Variants in KIAA0586 observed in about 807,000 individuals in gnomAD.
KIAA0586 encodes protein TALPID3.
KIAA0586 carries 144 observed loss-of-function variants against 169.8 expected under a neutral mutation model. The observed-to-expected ratio is 0.85, with a 90% confidence interval of 0.74 to 0.97. KIAA0586 has a LOEUF of 0.97. Among genes scored for constraint, KIAA0586 ranks in the 50% least tolerant of loss-of-function variants. The pLI is 0.00. For synonymous variants in KIAA0586, 625 were observed against 612.4 expected (o/e 1.02, Z -0.30); for missense variants, 1,854 against 1,823.0 (o/e 1.02, Z -0.31).
intron 19 of KIAA0586, among the ~76,000 whole-genome samples, chr14:58,475,688 A>G (rs2041561846): frequency 6.6e-6 from 1 of 152,240 alleles, no homozygotes; most frequent in Non-Finnish European, 1.5e-5. Flanking sequence ...ATATTAATAT[A>G]GTCATGAAAA....
chr14:58,475,359 T>C (rs1176574058), intron 19 of KIAA0586, among the ~76,000 whole-genome samples: 4 of 152,076 alleles, frequency 2.6e-5, no homozygotes, highest in Non-Finnish European at 5.9e-5. Flanking sequence ...TGAAACAGTT[T>C]CCTCCCGAAT....
chr14:58,498,051 G>A (rs944652052), intron 26 of KIAA0586, among the ~76,000 whole-genome samples: 2 of 151,026 alleles, frequency 1.3e-5, no homozygotes, highest in Non-Finnish European at 1.5e-5. Flanking sequence ...CTAATTTTTT[G>A]TATTTTTAGT....
the KIAA0586 span, among the ~76,000 whole-genome samples, chr14:58,560,847 C>A: frequency 1.3e-5 from 2 of 152,142 alleles, no homozygotes; most frequent in African/African-American, 4.8e-5. Flanking sequence ...TAATCTGGTT[C>A]TTGGCATTAA....
intron 29 of KIAA0586, among the ~76,000 whole-genome samples, chr14:58,516,644 G>T (rs1337552110): frequency 6.6e-6 from 1 of 152,184 alleles, no homozygotes; most frequent in Non-Finnish European, 1.5e-5. Flanking sequence ...AAGTTGACAA[G>T]CTGAAGCTAA....
At chr14:58,482,102 G>A (rs1232963158) in intron 20 of KIAA0586, among the ~76,000 whole-genome samples, 6 of 150,452 alleles carry the variant, frequency 4.0e-5, no homozygotes, top group South Asian at 2.2e-4. Context: ...GTGAGCCACC[G>A]TGCCCGGCCG....
downstream of KIAA0586, among the ~76,000 whole-genome samples, chr14:58,552,218 G>A (rs2047216798): frequency 6.6e-6 from 1 of 152,168 alleles, no homozygotes; most frequent in African/African-American, 2.4e-5. Context: ...TGAGAAATCT[G>A]ATCATTATTG....
Position 58,540,916 on chromosome 14 carries a change from G to A in KIAA0586, c.4495+780G>A, listed in dbSNP as rs190906960. Reference sequence around the variant, plus strand: ...GGGGCTATGATGTTGCAAATCTGTAGGACTGGGTTAAGTATGTGAGGAGAA... The same window carrying A: ...GGGGCTATGATGTTGCAAATCTGTAAGACTGGGTTAAGTATGTGAGGAGAA... On this transcript the variant is annotated intron_variant, in intron 30 of 30. Coordinates refer to ENST00000652326, the MANE Select transcript of KIAA0586 (RefSeq NM_001329943.3). Among the ~76,000 whole-genome samples the A allele has an allele frequency of 4.6e-4, 70 of 152,288 alleles. 1 individual carries two copies. In the East Asian group the frequency reaches 0.013, roughly 29 times the overall value.
intron 29 of KIAA0586, 39 bp from the exon 30 acceptor site, chr14:58,540,032 T>A: frequency 4.2e-6 from 5 of 1,200,516 alleles, no homozygotes; most frequent in Non-Finnish European, 6.0e-6. Flanking sequence ...ATTTCTATGC[T>A]TAACTGATTT....
intron 15 of KIAA0586, among the ~76,000 whole-genome samples, chr14:58,466,349 A>G (rs758913548): frequency 6.6e-6 from 1 of 152,232 alleles, no homozygotes; most frequent in East Asian, 1.9e-4. Flanking sequence ...GCTGTGTAAT[A>G]GCAATCTCTG....
chr14:58,448,633 A>G, intron 7 of KIAA0586, 140 bp downstream of exon 7: 1 of 385,420 alleles, frequency 2.6e-6, no homozygotes, highest in Non-Finnish European at 3.8e-6. Flanking sequence ...GTTTTATAAA[A>G]CAATTTTTTT....
upstream of KIAA0586, chr14:58,427,678 G>A: frequency 6.5e-7 from 1 of 1,535,612 alleles, no homozygotes; most frequent in Non-Finnish European, 8.7e-7. Context: ...TCTCAAGGGC[G>A]GGTTTGAAGG....
chr14:58,477,136 A>T lies in KIAA0586; in HGVS notation c.2839A>T (p.Ile947Leu). 6.4e-7 allele frequency: 1 copy of T among 1,561,466 alleles called. No individual in the cohort carries two copies. The highest frequency in any genetic ancestry group is 8.7e-7 in the Non-Finnish European group (1 of 1,146,860). Residue 947 changes from isoleucine (I) to leucine (L), a missense_variant, in exon 20 of 31, where the codon ATA becomes TTA. Ile to Leu is a conservative substitution (Grantham distance 5). Transcript: ENST00000652326. ...CCATCCTCTCAGGGTAGAGCAAGAA[A>T]TAATGTCAAGAATTATCTCTGGGCT... is the stretch of plus-strand genomic sequence containing the variant. ...NSLIQWVEQE[I>L]MSRIISGLFP...
intron 28 of KIAA0586, among the ~76,000 whole-genome samples, chr14:58,512,318 T>G (rs367996213): frequency 2.0e-5 from 3 of 147,784 alleles, no homozygotes; most frequent in African/African-American, 8.0e-5. Flanking sequence ...TTTTAAAGGT[T>G]TTTTTTTGCA....
Position 58,548,619 on chromosome 14 carries a change from G to A in KIAA0586, c.*687G>A, listed in dbSNP as rs1306977903. ...GAATTGTTGGCTGGGTGATAGGAGA[G>A]GCTAAGTGATAGGAATCAAGGATAA... On this transcript the variant is annotated 3_prime_UTR_variant, in exon 31 of 31. Coordinates refer to ENST00000652326, the MANE Select transcript of KIAA0586 (RefSeq NM_001329943.3). 6.6e-6 allele frequency: 1 copy of A among 152,060 alleles called. No homozygotes were observed. Among genetic ancestry groups the A allele is most frequent in the African/African-American group, 2.4e-5 (1 of 41,392 alleles). 9.4% of individuals were successfully genotyped at this position (152,060 alleles called of 1,614,324 possible).
intron 4 of KIAA0586, among the ~76,000 whole-genome samples, chr14:58,437,156 G>A (rs946088460): frequency 1.3e-5 from 2 of 152,130 alleles, no homozygotes; most frequent in Non-Finnish European, 2.9e-5. Flanking sequence ...TATGGTAATG[G>A]GAATCATGCT....
chr14:58,439,982 G>A (rs1478141451), intron 4 of KIAA0586: 1 of 211,032 alleles, frequency 4.7e-6, no homozygotes, highest in Non-Finnish European at 9.3e-6. Flanking sequence ...TTAATTAAAT[G>A]CCTTATTGCA....
rs374681876 is a variant in KIAA0586 at position 58,518,628 on chromosome 14, T to C, written c.4429+6001T>C. Among the ~76,000 whole-genome samples, 19 of 152,382 alleles carry C rather than the reference T, an allele frequency of 1.2e-4. No individual in the cohort carries two copies. The East Asian group carries it at 2.7e-3, about 22-fold the overall frequency. ...ATTGAGGGCCCTCCACACTCTACGC[T>C]ACTAAGCTTCAATGCCTTTTTGCAT... is the stretch of plus-strand genomic sequence containing the variant. On this transcript the variant is annotated intron_variant, in intron 29 of 30. Coordinates refer to ENST00000652326, the MANE Select transcript of KIAA0586 (RefSeq NM_001329943.3).
At chr14:58,486,051 G>C (rs758241341) in intron 21 of KIAA0586, among the ~76,000 whole-genome samples, 1 of 152,162 alleles carries the variant, frequency 6.6e-6, no homozygotes, top group Non-Finnish European at 1.5e-5. Flanking sequence ...GACCCAGGTA[G>C]TAAGTGTAGT....
rs1342841593 is a variant in KIAA0586 at position 58,492,214 on chromosome 14, T to C, written c.3929T>C (p.Leu1310Pro). Reference sequence around the variant, plus strand: ...AAAAAATTTCATGCAGATGCAATTCTTTCTTTTGCTAAACAAAACCAGGAG... The same window carrying C: ...AAAAAATTTCATGCAGATGCAATTCCTTCTTTTGCTAAACAAAACCAGGAG... ...SHKKFHADAI[L>P]SFAKQNQESA... Residue 1310 changes from leucine (L) to proline (P), a missense_variant, in exon 26 of 31, where the codon CTT becomes CCT. Leu to Pro is a moderately conservative substitution (Grantham distance 98, BLOSUM62 -3). Coordinates refer to ENST00000652326, the MANE Select transcript of KIAA0586 (RefSeq NM_001329943.3). 1 of 1,551,008 alleles carries C rather than the reference T, an allele frequency of 6.4e-7. No homozygotes were observed.
Sources: gnomAD v4.1 joint callset for allele counts (sites outside exome capture counted in the v4.1 genomes callset) on GRCh38, gnomAD v4.1.1 for gene constraint, MANE v1.5 for transcripts, NCBI Gene and HGNC (gene_info 2026-07-23, HGNC 2026-07-21) for gene names.